Variants in TXNDC11 observed in about 807,000 individuals in gnomAD.
TXNDC11 encodes thioredoxin domain-containing protein 11.
Under a neutral mutation model 78.0 loss-of-function variants are expected in TXNDC11, and 68 were observed. The ratio of observed to expected loss-of-function variants is 0.87; its 90% confidence interval spans 0.72 to 1.07. TXNDC11 has a LOEUF of 1.07. Ranked by LOEUF, TXNDC11 falls within the 50% of genes least tolerant of loss-of-function variation. The pLI, the probability that TXNDC11 is intolerant of heterozygous loss-of-function variation, is 0.00. For missense variants in TXNDC11, 1,389 were observed against 1,221.8 expected (o/e 1.14, Z -2.04); for synonymous variants, 571 against 495.2 (o/e 1.15, Z -2.03).
chr16:11,739,231 T>A (rs1407262169), intron 1 of TXNDC11, among the ~76,000 whole-genome samples: 1 of 152,212 alleles, frequency 6.6e-6, no homozygotes, highest in Non-Finnish European at 1.5e-5. Flanking sequence ...CTCTACTCCA[T>A]CAGAAACACT....
chr16:11,687,083 T>G (rs1394317328), intron 10 of TXNDC11, among the ~76,000 whole-genome samples: 1 of 152,218 alleles, frequency 6.6e-6, no homozygotes, highest in Non-Finnish European at 1.5e-5. Context: ...GGAAAATATA[T>G]TAATGGTCCC....
intron 8 of TXNDC11, 154 bp downstream of exon 8, chr16:11,691,136 G>C (rs909584073): frequency 1.4e-5 from 9 of 642,848 alleles, no homozygotes; most frequent in Non-Finnish European, 2.1e-5. Context: ...TAGCTTCTTT[G>C]AAAATTATGA....
At chr16:11,735,706 G>A (rs764938183) in intron 2 of TXNDC11, among the ~76,000 whole-genome samples, 4 of 152,272 alleles carry the variant, frequency 2.6e-5, no homozygotes, top group Non-Finnish European at 5.9e-5. Context: ...AGTATCAAAT[G>A]GATATGCAAG....
intron 5 of TXNDC11, among the ~76,000 whole-genome samples, chr16:11,710,343 T>C (rs2051313366): frequency 6.6e-6 from 1 of 152,092 alleles, no homozygotes. Flanking sequence ...TCACGTTCTC[T>C]TTTTCCCCTC....
chr16:11,722,373 T>C (rs1487647195), intron 4 of TXNDC11, among the ~76,000 whole-genome samples: 2 of 152,244 alleles, frequency 1.3e-5, no homozygotes, highest in African/African-American at 4.8e-5. Context: ...GCCAAACCAA[T>C]TAACTGTCCC....
chr16:11,725,648 A>G (rs1440941517), intron 4 of TXNDC11, among the ~76,000 whole-genome samples: 1 of 152,218 alleles, frequency 6.6e-6, no homozygotes, highest in African/African-American at 2.4e-5. Context: ...CACAGTTTCC[A>G]TCTACCTCAC....
At chr16:11,730,967 G>A (rs1048529131) in intron 3 of TXNDC11, among the ~76,000 whole-genome samples, 193 bp from the exon 4 acceptor site, 1 of 152,120 alleles carries the variant, frequency 6.6e-6, no homozygotes, top group African/African-American at 2.4e-5. Context: ...CATTTTGGGT[G>A]AGGAGAGGCA....
In TXNDC11 at chr16:11,679,983, T is replaced by G; in HGVS notation, c.2235-146A>C. ...TACTTACTGAAAGTAAGGAAAATGT[T>G]GCCTGGGCAAGAAATTCTCTACAAA... On this transcript the variant is annotated intron_variant, in intron 11 of 11. Transcript: ENST00000283033. This position sits in a 1 kb window ranked among gnomAD's most constrained non-coding sequence, Gnocchi z 4.6. 1 of 724,342 alleles carries G rather than the reference T, an allele frequency of 1.4e-6. No homozygotes were observed. Among genetic ancestry groups the G allele is most frequent in the Non-Finnish European group, 2.3e-6 (1 of 444,296 alleles). The allele number at this position is 724,342 out of a possible 1,614,324, so 44.9% of individuals were successfully genotyped here.
chr16:11,719,838 AGTT>A (rs2051649839), intron 5 of TXNDC11, among the ~76,000 whole-genome samples: 1 of 152,238 alleles, frequency 6.6e-6, no homozygotes, highest in Admixed American at 6.5e-5. Context: ...AGGGTACCCA[AGTT>A]AGACTGGGGT....
At chr16:11,716,859 C>A (rs1290248497) in intron 5 of TXNDC11, among the ~76,000 whole-genome samples, 1 of 151,868 alleles carries the variant, frequency 6.6e-6, no homozygotes, top group East Asian at 1.9e-4. Context: ...TTTACTCAGA[C>A]AAAAATAGGT....
chr16:11,736,977 C>G (rs1430833350), intron 1 of TXNDC11, among the ~76,000 whole-genome samples: 1 of 152,102 alleles, frequency 6.6e-6, no homozygotes, highest in Non-Finnish European at 1.5e-5. Flanking sequence ...TGCATCCCAC[C>G]AAGTAGAAGG....
At chr16:11,699,539 C>T (rs933573) in intron 6 of TXNDC11, among the ~76,000 whole-genome samples, 78,686 of 152,132 alleles carry the variant, frequency 0.52, 20,737 homozygotes, top group Middle Eastern at 0.61. Context: ...CATTTCCATT[C>T]GGAAAACACA....
chr16:11,688,562 C>T, intron 8 of TXNDC11, 117 bp from the exon 9 acceptor site: 1 of 888,474 alleles, frequency 1.1e-6, no homozygotes, highest in Non-Finnish European at 1.6e-6. Flanking sequence ...ACATTTTTAA[C>T]ATTTCACCTA....
At chr16:11,741,353 C>G (rs7192366) in intron 1 of TXNDC11, among the ~76,000 whole-genome samples, 72,639 of 151,966 alleles carry the variant, frequency 0.48, 17,656 homozygotes, top group Middle Eastern at 0.56. Context: ...CTGAAATATA[C>G]AGCAAATTTT....
In TXNDC11 at chr16:11,700,218, G is replaced by A. The variant is rs187971213; in HGVS notation, c.906+234C>T. Among the ~76,000 whole-genome samples, 382 of 152,256 alleles carry A rather than the reference G, an allele frequency of 2.5e-3. 1 individual carries two copies. Among genetic ancestry groups the A allele is most frequent in the African/African-American group, 8.7e-3 (363 of 41,548 alleles). ...CTTTAAAGTCTGTACCAAAATCTAA[G>A]AATACAAATAAAGAATTTCTATACA... is the stretch of plus-strand genomic sequence containing the variant. On this transcript the variant is annotated intron_variant, in intron 6 of 11. Transcript: ENST00000283033.
chr16:11,742,214 C>T, intron 1 of TXNDC11: 1 of 417,780 alleles, frequency 2.4e-6, no homozygotes, highest in Non-Finnish European at 4.2e-6. Flanking sequence ...GTGAGGAGCA[C>T]CCCCGACCCG....
chr16:11,714,518 T>C (rs1164330117), intron 5 of TXNDC11, among the ~76,000 whole-genome samples: 1 of 151,924 alleles, frequency 6.6e-6, no homozygotes, highest in Non-Finnish European at 1.5e-5. Flanking sequence ...CGGGCGCCTG[T>C]AGTCCCAGCT....
At chr16:11,721,507 T>C in intron 5 of TXNDC11, 70 bp downstream of exon 5, 3 of 795,700 alleles carry the variant, frequency 3.8e-6, no homozygotes, top group Admixed American at 2.3e-5. Flanking sequence ...ATATTCATAA[T>C]AACACATGGA....
intron 3 of TXNDC11, among the ~76,000 whole-genome samples, chr16:11,733,617 G>C (rs1256421544): frequency 1.3e-5 from 2 of 152,176 alleles, no homozygotes; most frequent in Admixed American, 6.5e-5. Context: ...TCTGGACTCT[G>C]CTATGCCTCC....
Sources: gnomAD v4.1 joint callset for allele counts (sites outside exome capture counted in the v4.1 genomes callset) on GRCh38, gnomAD v4.1.1 for gene constraint, Gnocchi (gnomAD v3.1) non-coding constraint, MANE v1.5 for transcripts, NCBI Gene and HGNC (gene_info 2026-07-23, HGNC 2026-07-21) for gene names.